The following HMGCLL1 variants were observed in gnomAD, a reference collection of about 807,000 sequenced individuals.
HMGCLL1 encodes the protein 3-hydroxy-3-methylglutaryl-CoA lyase like 1, also known as 3-hydroxymethyl-3-methylglutaryl-CoA lyase, cytoplasmic.
In HMGCLL1, 36 loss-of-function variants were observed where a neutral mutation model predicts 39.1. The observed-to-expected ratio is 0.92, with a 90% CI of 0.71 to 1.22. The LOEUF (loss-of-function observed/expected upper bound fraction) is 1.22, where lower values mean the gene tolerates loss of function less well. Among genes scored for constraint, HMGCLL1 ranks in the 50% most tolerant of loss-of-function variants. The pLI is 0.00. For missense variants in HMGCLL1, 451 were observed against 416.5 expected, an observed-to-expected ratio of 1.08 and a Z score of -0.72; for synonymous variants, 149 against 144.0, an observed-to-expected ratio of 1.03 and a Z score of -0.25.
At chr6:55,670,993 C>A in the HMGCLL1 span, among the ~76,000 whole-genome samples, 1 of 151,594 alleles carries the variant, frequency 6.6e-6, no homozygotes, top group African/African-American at 2.4e-5. Context: ...TATATTAATA[C>A]CAGGCAATAT....
chr6:55,538,269 G>A (rs1769142548), intron 3 of HMGCLL1, among the ~76,000 whole-genome samples: 3 of 152,142 alleles, frequency 2.0e-5, no homozygotes, highest in Non-Finnish European at 4.4e-5. Flanking sequence ...GTTTGTACCT[G>A]AAATATAACT....
intron 5 of HMGCLL1, among the ~76,000 whole-genome samples, chr6:55,502,860 A>T (rs1352050725): frequency 1.3e-5 from 2 of 151,598 alleles, no homozygotes; most frequent in African/African-American, 2.4e-5. Context: ...CAAAGATGTT[A>T]TATCTTTTTT....
chr6:55,438,301 A>T (rs1763452076), intron 8 of HMGCLL1, among the ~76,000 whole-genome samples: 1 of 152,094 alleles, frequency 6.6e-6, no homozygotes, highest in African/African-American at 2.4e-5. Flanking sequence ...TGCCAAGTGA[A>T]ATCAGTCTTT....
At chr6:55,496,957 A>G (rs1234902670) in intron 6 of HMGCLL1, among the ~76,000 whole-genome samples, 1 of 152,150 alleles carries the variant, frequency 6.6e-6, no homozygotes, top group Non-Finnish European at 1.5e-5. Flanking sequence ...TTCATGGATC[A>G]ACTATATTAA....
chr6:55,553,639 T>C (rs1319078416), intron 1 of HMGCLL1, among the ~76,000 whole-genome samples: 1 of 152,158 alleles, frequency 6.6e-6, no homozygotes, highest in Non-Finnish European at 1.5e-5. Context: ...AGAATGTGTA[T>C]ATAAAGCATT....
At chr6:55,628,726 T>C in the HMGCLL1 span, among the ~76,000 whole-genome samples, 2 of 152,054 alleles carry the variant, frequency 1.3e-5, no homozygotes, top group Non-Finnish European at 2.9e-5. Flanking sequence ...TGGGAGGTAA[T>C]TGAATCACAG....
chr6:55,631,486 G>A, the HMGCLL1 span, among the ~76,000 whole-genome samples: 56 of 151,956 alleles, frequency 3.7e-4, 1 homozygote, highest in Admixed American at 2.0e-4. Flanking sequence ...GTCTGCCAGC[G>A]TCAGGACGCT....
intron 7 of HMGCLL1, among the ~76,000 whole-genome samples, chr6:55,492,258 G>C (rs543894575): frequency 1.3e-5 from 2 of 152,282 alleles, no homozygotes; most frequent in East Asian, 3.9e-4. Context: ...GGTTGGCCCT[G>C]TTCATAGTGA....
intron 7 of HMGCLL1, among the ~76,000 whole-genome samples, chr6:55,470,748 G>C (rs1765009171): frequency 3.3e-5 from 5 of 151,798 alleles, no homozygotes; most frequent in Admixed American, 2.6e-4. Context: ...GTGCTGTATG[G>C]CTGGAGAGGT....
chr6:55,577,074 T>C (rs1177313524), intron 1 of HMGCLL1: 3 of 1,612,620 alleles, frequency 1.9e-6, no homozygotes, highest in African/African-American at 1.3e-5. Context: ...ATCTGGATAT[T>C]TACCCAGTGG....
chr6:55,577,092 C>G lies in HMGCLL1; in HGVS notation c.108+1856G>C, dbSNP rs746894192. 3.1e-6 allele frequency: 5 copies of G among 1,613,496 alleles called. No homozygotes were observed. In the South Asian group the frequency reaches 5.5e-5, roughly 18 times the overall value. On this transcript the variant is annotated intron_variant, in intron 1 of 8. Transcript: ENST00000274901. The stretch of plus-strand genomic sequence containing the variant: ...TGGATATTTACCCAGTGGATACAAG[C>G]CACCGTGCCTGCCAAGGAGACTGAG...
the HMGCLL1 span, among the ~76,000 whole-genome samples, chr6:55,602,672 A>C: frequency 6.6e-6 from 1 of 151,952 alleles, no homozygotes; most frequent in African/African-American, 2.4e-5. Context: ...AGATGTAAAA[A>C]ATGTCACATT....
the HMGCLL1 span, among the ~76,000 whole-genome samples, chr6:55,632,021 G>GT: frequency 2.6e-5 from 4 of 151,942 alleles, no homozygotes; most frequent in Non-Finnish European, 5.9e-5. Context: ...AAGTATTAAG[G>GT]TTTTTTTGTT....
the HMGCLL1 span, among the ~76,000 whole-genome samples, chr6:55,627,649 C>A: frequency 1.3e-5 from 2 of 150,478 alleles, no homozygotes; most frequent in Admixed American, 6.7e-5. Flanking sequence ...CTTGTGGGCA[C>A]AATCTAATCA....
At chr6:55,515,600 T>C (rs1397218790) in intron 4 of HMGCLL1, among the ~76,000 whole-genome samples, 1 of 152,146 alleles carries the variant, frequency 6.6e-6, no homozygotes, top group Non-Finnish European at 1.5e-5. Flanking sequence ...AAAGTCAAGA[T>C]TAGTTCCACT....
the HMGCLL1 span, among the ~76,000 whole-genome samples, chr6:55,642,884 A>AAATT: frequency 6.6e-6 from 1 of 152,142 alleles, no homozygotes; most frequent in Non-Finnish European, 1.5e-5. Context: ...AAGTGAGAAT[A>AAATT]TGCAACATTT....
chr6:55,564,529 G>A (rs1358044639), intron 1 of HMGCLL1, among the ~76,000 whole-genome samples: 1 of 151,974 alleles, frequency 6.6e-6, no homozygotes, highest in Non-Finnish European at 1.5e-5. Context: ...GCTTCAGATG[G>A]TCTCTTATAA....
the HMGCLL1 span, among the ~76,000 whole-genome samples, chr6:55,626,496 G>A: frequency 6.6e-6 from 1 of 151,998 alleles, no homozygotes; most frequent in Non-Finnish European, 1.5e-5. Context: ...TACTTTACAG[G>A]GCTGGGGCAA....
At chr6:55,588,143 C>T in the HMGCLL1 span, among the ~76,000 whole-genome samples, 1 of 152,066 alleles carries the variant, frequency 6.6e-6, no homozygotes, top group Non-Finnish European at 1.5e-5. Context: ...AAATTGACCA[C>T]ATAGTTGGAA....
Sources: gnomAD v4.1 joint callset for allele counts (sites outside exome capture counted in the v4.1 genomes callset) on GRCh38, gnomAD v4.1.1 for gene constraint, MANE v1.5 for transcripts, NCBI Gene and HGNC (gene_info 2026-07-23, HGNC 2026-07-21) for gene names.